Variants in PCDHGB1 observed in about 807,000 individuals in gnomAD.
PCDHGB1 encodes protocadherin gamma subfamily B, 1.
PCDHGB1 carries 34 observed loss-of-function variants against 56.6 expected under a neutral mutation model. The ratio of observed to expected loss-of-function variants is 0.60; its 90% CI spans 0.46 to 0.80. The LOEUF is 0.80. PCDHGB1 is among the 30% of genes least tolerant of loss of function. The pLI, the probability that PCDHGB1 is intolerant of heterozygous loss-of-function variation, is 0.00. For missense variants in PCDHGB1, 1,278 were observed against 1,204.6 expected, an observed-to-expected ratio of 1.06 and a Z score of -0.90; for synonymous variants, 561 against 505.9, an observed-to-expected ratio of 1.11 and a Z score of -1.46.
intron 1 of PCDHGB1, chr5:141,399,969 C>T (rs1371912218): frequency 1.2e-6 from 2 of 1,612,194 alleles, no homozygotes; most frequent in South Asian, 2.2e-5. Context: ...GGCTCTTCAG[C>T]CTGGGGCTGC....
At position 141,497,121 on chromosome 5, in the gene PCDHGB1, G is replaced by T. The variant is rs185298630; in HGVS notation, c.2468+2256G>T. Among the ~76,000 whole-genome samples, 563 of 152,212 alleles carry T rather than the reference G, an allele frequency of 3.7e-3. 5 individuals are homozygous for T. The highest frequency in any genetic ancestry group is 0.011 in the Admixed American group (164 of 15,296). On this transcript the variant is annotated intron_variant, in intron 2 of 3. Coordinates refer to ENST00000523390, the MANE Select transcript of PCDHGB1 (RefSeq NM_018922.3). Reference sequence around the variant, plus strand: ...GAACTGCTTGAACCCGGAAGGCAGAGGTTGCAGTGAGCTGAGATCACGAAA... The same window carrying T: ...GAACTGCTTGAACCCGGAAGGCAGATGTTGCAGTGAGCTGAGATCACGAAA...
intron 1 of PCDHGB1, among the ~76,000 whole-genome samples, chr5:141,400,846 A>G (rs1273650139): frequency 6.6e-6 from 1 of 152,190 alleles, no homozygotes; most frequent in Non-Finnish European, 1.5e-5. Context: ...ACATGTTTAT[A>G]TTTTATTGTA....
chr5:141,460,467 AG>A (rs1303418429), intron 1 of PCDHGB1, among the ~76,000 whole-genome samples: 1 of 152,114 alleles, frequency 6.6e-6, no homozygotes, highest in African/African-American at 2.4e-5. Flanking sequence ...TTTTTTCCAA[AG>A]GAATATCCAA....
Position 141,364,613 on chromosome 5 carries a change from C to G in PCDHGB1, c.2409+11944C>G, listed in dbSNP as rs776128638. 7 of 1,614,052 alleles carry G rather than the reference C, an allele frequency of 4.3e-6. No homozygotes were observed. The East Asian group carries it at 1.6e-4, about 36-fold the overall frequency. On this transcript the variant is annotated intron_variant, in intron 1 of 3. Coordinates refer to ENST00000523390, the MANE Select transcript of PCDHGB1 (RefSeq NM_018922.3). ...CGCGGGCAGGATAGACCGGGAGGAGCTCTGCGCTCAGAGCCCACTGTGTGT... is the reference window on the plus strand; with the variant it reads ...CGCGGGCAGGATAGACCGGGAGGAGGTCTGCGCTCAGAGCCCACTGTGTGT...
At chr5:141,357,195 C>T (rs1173372626) in intron 1 of PCDHGB1, 6 of 1,613,770 alleles carry the variant, frequency 3.7e-6, no homozygotes, top group South Asian at 2.2e-5. Context: ...TGGCTGTGGC[C>T]GACAGCATCC....
intron 1 of PCDHGB1, chr5:141,423,343 C>T: frequency 6.2e-7 from 1 of 1,614,208 alleles, no homozygotes; most frequent in South Asian, 1.1e-5. Flanking sequence ...CTGCATCTTC[C>T]TGGTCTTTGT....
chr5:141,394,451 G>A (rs774912185), intron 1 of PCDHGB1: 1 of 1,614,118 alleles, frequency 6.2e-7, no homozygotes, highest in Non-Finnish European at 8.5e-7. Flanking sequence ...GCAGCAACAT[G>A]TCACTGAGCC....
In PCDHGB1 at chr5:141,356,455, A is replaced by G; in HGVS notation, c.2409+3786A>G. 2 of 1,613,402 alleles carry G rather than the reference A, an allele frequency of 1.2e-6. No homozygotes were observed. Among genetic ancestry groups the G allele is most frequent in the Non-Finnish European group, 1.7e-6 (2 of 1,179,560 alleles). Reference sequence around the variant, plus strand: ...GGACAGGGAAGAAGTCTCAGAATATAACATCACTGTAACTGCCACTGACCA... The same window carrying G: ...GGACAGGGAAGAAGTCTCAGAATATGACATCACTGTAACTGCCACTGACCA... On this transcript the variant is annotated intron_variant, in intron 1 of 3. Transcript: ENST00000523390.
intron 1 of PCDHGB1, chr5:141,383,132 A>G: frequency 1.2e-6 from 2 of 1,614,110 alleles, no homozygotes; most frequent in Non-Finnish European, 1.7e-6. Context: ...TTCGCCCTGA[A>G]CCAGCGCAGC....
At chr5:141,394,159 C>T in intron 1 of PCDHGB1, 1 of 1,613,916 alleles carries the variant, frequency 6.2e-7, no homozygotes, top group Non-Finnish European at 8.5e-7. Context: ...AACGACAACC[C>T]TCCTACTTTC....
At chr5:141,427,695 C>T in intron 1 of PCDHGB1, 1 of 918,214 alleles carries the variant, frequency 1.1e-6, no homozygotes, top group Non-Finnish European at 1.7e-6. Context: ...CTCCATCCCA[C>T]AAGTCAGCGC....
chr5:141,488,815 T>A (rs769851687), intron 1 of PCDHGB1, among the ~76,000 whole-genome samples: 30 of 152,144 alleles, frequency 2.0e-4, no homozygotes, highest in Non-Finnish European at 4.1e-4. Context: ...ATCTGAGCTG[T>A]CAAACTTTGC....
intron 1 of PCDHGB1, chr5:141,422,942 G>C (rs199976232): frequency 6.2e-7 from 1 of 1,614,214 alleles, no homozygotes; most frequent in East Asian, 2.2e-5. Flanking sequence ...CCCACAGACG[G>C]CTCCACTGGC....
chr5:141,390,179 A>G (rs1561630532), intron 1 of PCDHGB1: 1 of 1,614,044 alleles, frequency 6.2e-7, no homozygotes, highest in African/African-American at 1.3e-5. Flanking sequence ...TTAATTTCCT[A>G]AAATGTAGTG....
chr5:141,352,463 G>C lies in PCDHGB1; in HGVS notation c.2203G>C (p.Val735Leu), dbSNP rs779356890. ...TGLCSKSGPG[V>L]PPNHSEGTLP... ...TCTCTGCTCCAAGTCTGGGCCCGGG[G>C]TTCCTCCCAACCACAGCGAGGGGAC... The change falls in exon 1 of 4, where the codon GTT (valine) becomes CTT (leucine). Residue 735 changes from valine (V) to leucine (L), a missense_variant. Val to Leu is a conservative substitution (Grantham distance 32). Transcript: ENST00000523390. 7.4e-6 allele frequency: 12 copies of C among 1,613,902 alleles called. No individual in the cohort carries two copies. Among genetic ancestry groups the C allele is most frequent in the Non-Finnish European group, 1.0e-5 (12 of 1,179,910 alleles).
At position 141,432,749 on chromosome 5, in the gene PCDHGB1, G is replaced by A; in HGVS notation, c.2410-62058G>A. 6.8e-6 allele frequency: 11 copies of A among 1,614,106 alleles called. No homozygotes were observed. The highest frequency in any genetic ancestry group is 9.3e-6 in the Non-Finnish European group (11 of 1,179,980). On this transcript the variant is annotated intron_variant, in intron 1 of 3. Coordinates refer to ENST00000523390, the MANE Select transcript of PCDHGB1 (RefSeq NM_018922.3). The surrounding 1 kb of genome is among the most constrained non-coding windows in gnomAD (Gnocchi z 6.0). ...CGCCACTGTCACGCTCACCGTGGCCGTGGCCGACAGCATCCCCCAAGTCCT... is the reference window on the plus strand; with the variant it reads ...CGCCACTGTCACGCTCACCGTGGCCATGGCCGACAGCATCCCCCAAGTCCT...
At chr5:141,459,714 T>C (rs1240430980) in intron 1 of PCDHGB1, among the ~76,000 whole-genome samples, 4 of 152,244 alleles carry the variant, frequency 2.6e-5, no homozygotes, top group Admixed American at 6.5e-5. Flanking sequence ...TTCTCACCAA[T>C]GCTTCCTATT....
At chr5:141,383,991 A>C in intron 1 of PCDHGB1, 1 of 1,613,866 alleles carries the variant, frequency 6.2e-7, no homozygotes, top group Non-Finnish European at 8.5e-7. Flanking sequence ...CTCTTGGGAC[A>C]GTCATTGCTC....
At chr5:141,421,241 T>C in intron 1 of PCDHGB1, 1 of 1,600,982 alleles carries the variant, frequency 6.2e-7, no homozygotes, top group Non-Finnish European at 8.5e-7. Flanking sequence ...GCGAATCGGC[T>C]ACAGCGCGGG....
Sources: gnomAD v4.1 joint callset for allele counts (sites outside exome capture counted in the v4.1 genomes callset) on GRCh38, gnomAD v4.1.1 for gene constraint, Gnocchi (gnomAD v3.1) non-coding constraint, MANE v1.5 for transcripts, NCBI Gene and HGNC (gene_info 2026-07-23, HGNC 2026-07-21) for gene names.